The following CPNE2 variants were observed in gnomAD, a reference collection of about 807,000 sequenced individuals.
The protein encoded by CPNE2 is copine-2.
CPNE2 carries 42 observed loss-of-function variants against 69.7 expected under a neutral mutation model. The observed-to-expected ratio is 0.60, with a 90% confidence interval of 0.47 to 0.78. The LOEUF (loss-of-function observed/expected upper bound fraction) is 0.78, where lower values mean the gene tolerates loss of function less well. CPNE2 is among the 30% of genes least tolerant of loss of function. The pLI is 0.00. For synonymous variants in CPNE2, 294 were observed against 289.8 expected (o/e 1.01, Z -0.15); for missense variants, 587 against 732.0 (o/e 0.80, Z 2.29).
In CPNE2 at chr16:57,146,118, G is replaced by A. The variant is rs1299066156; in HGVS notation, c.1336G>A (p.Val446Ile). 1 of 1,601,802 alleles carries A rather than the reference G, an allele frequency of 6.2e-7. No homozygotes were observed. Among genetic ancestry groups the A allele is most frequent in the African/African-American group, 1.3e-5 (1 of 74,730 alleles). The part of the protein sequence containing the change: ...YFILLIITDG[V>I]ISDMEETRHA... ...CATCCTCCTCATCATCACGGACGGGGTCATCAGTGACATGGAGGAGACACG... is the reference window on the plus strand; with the variant it reads ...CATCCTCCTCATCATCACGGACGGGATCATCAGTGACATGGAGGAGACACG... Residue 446 changes from valine (V) to isoleucine (I), a missense_variant, in exon 15 of 16, where the codon GTC becomes ATC. Val to Ile is a conservative substitution (Grantham distance 29, BLOSUM62 3). This residue lies in a region of CPNE2 where 185 missense variants were observed against 252.3 expected (regional missense o/e 0.73). Transcript: ENST00000290776. This position sits in a 1 kb window ranked among gnomAD's most constrained non-coding sequence, Gnocchi z 4.4.
intron 1 of CPNE2, among the ~76,000 whole-genome samples, chr16:57,097,907 C>T (rs2069588096): frequency 6.6e-6 from 1 of 152,230 alleles, no homozygotes; most frequent in African/African-American, 2.4e-5. Flanking sequence ...TGTGGAGCTT[C>T]CTGGGAGGCC....
In CPNE2 at chr16:57,146,299, T is replaced by C; in HGVS notation, c.1517T>C (p.Val506Ala). ...GCAGCCCGCGATATTGTGCAGTTCG[T>C]TCCCTTTCGAGAGTTCCGCAACGTG... ...EEAARDIVQF[V>A]PFREFRNAAK... The change falls in exon 15 of 16, where the codon GTT becomes GCT. Residue 506 changes from valine to alanine, a missense_variant. Physicochemically the swap from Val to Ala is moderately conservative, Grantham distance 64. Transcript: ENST00000290776. This position sits in a 1 kb window ranked among gnomAD's most constrained non-coding sequence, Gnocchi z 4.4. The C allele has an allele frequency of 6.4e-7, 1 of 1,553,768 alleles. No individual in the cohort carries two copies. The highest frequency in any genetic ancestry group is 1.4e-5 in the African/African-American group (1 of 73,326).
chr16:57,107,847 G>A (rs537966074), intron 1 of CPNE2, among the ~76,000 whole-genome samples: 16 of 151,068 alleles, frequency 1.1e-4, no homozygotes, highest in East Asian at 7.7e-4. Context: ...AGCCCTGCAC[G>A]GGCTAAGACA....
At chr16:57,131,693 T>C (rs954761080) in intron 12 of CPNE2, among the ~76,000 whole-genome samples, 1 of 152,078 alleles carries the variant, frequency 6.6e-6, no homozygotes, top group African/African-American at 2.4e-5. Flanking sequence ...GTGTCCCACC[T>C]CCCCCTGCCA....
rs1407140065 is a variant in CPNE2, at chr16:57,147,531, C to A, written c.1540-20C>A. On this transcript the variant is annotated intron_variant, in intron 15 of 15. Coordinates refer to ENST00000290776, the MANE Select transcript of CPNE2 (RefSeq NM_152727.6). ...TCCTTATTCTCTCTCTTCCCCACCC[C>A]ACCCTCCTCCACCCTGCAGGCAGCA... The A allele has an allele frequency of 1.3e-6, 2 of 1,534,236 alleles. No homozygotes were observed. Among genetic ancestry groups the A allele is most frequent in the South Asian group, 1.2e-5 (1 of 82,726 alleles).
chr16:57,118,894 C>G (rs76828578), intron 5 of CPNE2, among the ~76,000 whole-genome samples: 6,229 of 152,140 alleles, frequency 0.041, 358 homozygotes, highest in East Asian at 0.29. Flanking sequence ...AAGTCCTGGC[C>G]CATCTAAAAT....
intron 7 of CPNE2, among the ~76,000 whole-genome samples, chr16:57,120,501 C>T (rs2069754026): frequency 6.6e-6 from 1 of 151,816 alleles, no homozygotes. Context: ...TCTTGGTCCC[C>T]AGGGGCTGGG....
intron 12 of CPNE2, among the ~76,000 whole-genome samples, chr16:57,128,455 G>A (rs1277077897): frequency 6.6e-6 from 1 of 152,090 alleles, no homozygotes; most frequent in African/African-American, 2.4e-5. Context: ...TCAAACTCCT[G>A]ACCTCAGGTG....
In CPNE2 at chr16:57,125,920, A is replaced by G. The variant is rs150252579; in HGVS notation, c.988A>G (p.Ile330Val). ...NPLDPSSLHY[I>V]NPMGTNEYLS... ...CCTCGACCCTTCCTCTTTGCACTAT[A>G]TCAACCCTATGGGCACCAACGAATA... Residue 330 changes from isoleucine (I) to valine (V), a missense_variant, in exon 11 of 16, where the codon ATC (isoleucine) becomes GTC (valine). Around this residue, in one of 5 missense-constraint regions of CPNE2, gnomAD observed 269 missense variants for 300.5 expected, o/e 0.90. Coordinates refer to ENST00000290776, the MANE Select transcript of CPNE2 (RefSeq NM_152727.6). 640 of 1,614,070 alleles carry G rather than the reference A, an allele frequency of 4.0e-4. 5 individuals are homozygous for G. The highest frequency in any genetic ancestry group is 6.2e-5 in the Non-Finnish European group (73 of 1,180,044).
rs774108311 is a variant in CPNE2, at chr16:57,125,963, C to T, written c.1031C>T (p.Ala344Val). 1 of 1,614,154 alleles carries T rather than the reference C, an allele frequency of 6.2e-7. No individual in the cohort carries two copies. Among genetic ancestry groups the T allele is most frequent in the South Asian group, 1.1e-5 (1 of 91,080 alleles). ...AACGAATATCTGTCGGCCATCTGGG[C>T]TGTTGGGCAGATCATTCAGGACTAC... ...GTNEYLSAIW[A>V]VGQIIQDYDS... Residue 344 changes from alanine to valine, a missense_variant, in exon 11 of 16, where the codon GCT becomes GTT. Around this residue, in one of 5 missense-constraint regions of CPNE2, gnomAD observed 269 missense variants for 300.5 expected, o/e 0.90. Transcript: ENST00000290776.
In CPNE2 at chr16:57,146,434, C is replaced by A; in HGVS notation, c.1539+113C>A. The A allele has an allele frequency of 5.5e-6, 5 of 914,190 alleles. No homozygotes were observed. Among genetic ancestry groups the A allele is most frequent in the Non-Finnish European group, 8.2e-6 (5 of 608,372 alleles). The allele number at this position is 914,190 out of a possible 1,614,324, so 56.6% of individuals were successfully genotyped here. On this transcript the variant is annotated intron_variant, in intron 15 of 15. Coordinates refer to ENST00000290776, the MANE Select transcript of CPNE2 (RefSeq NM_152727.6). The surrounding 1 kb of genome is among the most constrained non-coding windows in gnomAD (Gnocchi z 4.4). ...TGGCCCAATCCTAGACTTCTCCACT[C>A]CATTGACTATGCTCTTCTGAGGGCC...
At chr16:57,129,976 G>A (rs76472533) in intron 12 of CPNE2, among the ~76,000 whole-genome samples, 156 of 152,228 alleles carry the variant, frequency 1.0e-3, no homozygotes, top group African/African-American at 3.7e-3. Flanking sequence ...GAGGCGGGGT[G>A]CAGTGGCTCA....
At chr16:57,107,948 G>A (rs149828587) in intron 1 of CPNE2, among the ~76,000 whole-genome samples, 1,497 of 147,196 alleles carry the variant, frequency 0.01, 22 homozygotes, top group African/African-American at 0.036. Context: ...TCAGCTCACA[G>A]CAATCTCCAC....
chr16:57,107,863 ATC>A (rs1312880989), intron 1 of CPNE2, among the ~76,000 whole-genome samples: 1 of 138,210 alleles, frequency 7.2e-6, no homozygotes, highest in Non-Finnish European at 1.5e-5. Context: ...AGACAGAGCA[ATC>A]TTTTTTTTTT....
At chr16:57,117,428 C>T (rs752945829) in intron 4 of CPNE2, 68 bp from the exon 5 acceptor site, 330 of 1,534,646 alleles carry the variant, frequency 2.2e-4, no homozygotes, top group Non-Finnish European at 2.8e-4. Context: ...TCCTGGGGCA[C>T]CCTGTGCCAT....
chr16:57,144,406 C>T (rs2069942758), intron 14 of CPNE2: 1 of 152,322 alleles, frequency 6.6e-6, no homozygotes. Context: ...CCTCTGCAAC[C>T]TCCCCAGGGA....
intron 10 of CPNE2, 79 bp from the exon 11 acceptor site, chr16:57,125,781 A>G: frequency 6.4e-7 from 1 of 1,562,064 alleles, no homozygotes; most frequent in Non-Finnish European, 8.7e-7. Flanking sequence ...TGTCCCATCT[A>G]CCTCTCCTAT....
Position 57,146,555 on chromosome 16 carries a change from G to A in CPNE2, c.1539+234G>A, listed in dbSNP as rs189135748. On this transcript the variant is annotated intron_variant, in intron 15 of 15. Coordinates refer to ENST00000290776, the MANE Select transcript of CPNE2 (RefSeq NM_152727.6). This position sits in a 1 kb window ranked among gnomAD's most constrained non-coding sequence, Gnocchi z 4.4. ...CCACAAACTGATGGAACATGGAGCC[G>A]TGGGCATCTAGCCTGAGGCTCTGGG... 4.2e-3 allele frequency: 2,215 copies of A among 532,672 alleles called. 4 individuals are homozygous for A. Among genetic ancestry groups the A allele is most frequent in the Middle Eastern group, 7.1e-3 (14 of 1,962 alleles). The allele number at this position is 532,672 out of a possible 1,614,324, so 33.0% of individuals were successfully genotyped here. A position where few individuals can be genotyped will look rare whatever the true frequency, so the allele number is the denominator to read the frequency against.
Position 57,121,669 on chromosome 16 carries a change from C to G in CPNE2, c.781-5C>G. On this transcript the variant is annotated splice_region_variant and splice_polypyrimidine_tract_variant and intron_variant, in intron 8 of 15. Transcript: ENST00000290776. The stretch of plus-strand genomic sequence containing the variant: ...GTGAGTGTCTCTTTCTTTTGCGTTG[C>G]CCAGCTGGAGTTCGAGTGCATCAAC... 6.2e-7 allele frequency: 1 copy of G among 1,613,916 alleles called. No homozygotes were observed. The highest frequency in any genetic ancestry group is 8.5e-7 in the Non-Finnish European group (1 of 1,179,898).
Sources: gnomAD v4.1 joint callset for allele counts (sites outside exome capture counted in the v4.1 genomes callset) on GRCh38, gnomAD v4.1.1 for gene constraint, gnomAD v4.1.1 regional missense constraint, Gnocchi (gnomAD v3.1) non-coding constraint, MANE v1.5 for transcripts, NCBI Gene and HGNC (gene_info 2026-07-23, HGNC 2026-07-21) for gene names.